ADAMTS17: variants seen among roughly 807,000 people sequenced by gnomAD.
ADAMTS17 encodes the protein A disintegrin and metalloproteinase with thrombospondin motifs 17.
Under a neutral mutation model 141.5 loss-of-function variants are expected in ADAMTS17, and 113 were observed. The observed-to-expected ratio is 0.80, with a 90% CI of 0.69 to 0.93. ADAMTS17 has a LOEUF of 0.93. Ranked by LOEUF, ADAMTS17 falls within the 40% of genes least tolerant of loss-of-function variation. ADAMTS17 has a pLI of 0.00. For missense variants in ADAMTS17, 1,659 were observed against 1,517.9 expected (o/e 1.09, Z -1.54); for synonymous variants, 768 against 630.6 (o/e 1.22, Z -3.27).
chr15:100,191,981 T>C (rs948706842), intron 8 of ADAMTS17, among the ~76,000 whole-genome samples: 1 of 152,234 alleles, frequency 6.6e-6, no homozygotes, highest in Non-Finnish European at 1.5e-5. Flanking sequence ...TGCATGCCTG[T>C]ATCAAAGTAT....
intron 2 of ADAMTS17, among the ~76,000 whole-genome samples, chr15:100,336,428 C>A (rs966977784): frequency 6.6e-6 from 1 of 152,230 alleles, no homozygotes; most frequent in Non-Finnish European, 1.5e-5. Flanking sequence ...CCTCTCAACT[C>A]CACAAAACTG....
intron 7 of ADAMTS17, among the ~76,000 whole-genome samples, chr15:100,214,592 T>C (rs1180775970): frequency 6.6e-6 from 1 of 152,210 alleles, no homozygotes; most frequent in Non-Finnish European, 1.5e-5. Context: ...CCTTCAAGAC[T>C]ATCTTCTGGA....
At chr15:100,074,963 A>G (rs1216315356) in intron 15 of ADAMTS17, among the ~76,000 whole-genome samples, 1 of 152,228 alleles carries the variant, frequency 6.6e-6, no homozygotes, top group Non-Finnish European at 1.5e-5. Context: ...ATTAAATGAG[A>G]AAACAGTGGA....
chr15:100,119,348 G>T (rs1250197974), intron 12 of ADAMTS17, among the ~76,000 whole-genome samples: 4 of 152,192 alleles, frequency 2.6e-5, no homozygotes, highest in African/African-American at 9.7e-5. Flanking sequence ...CTAAGGGAAA[G>T]CAGGGCAGAC....
chr15:100,208,523 T>C (rs1567355825), intron 7 of ADAMTS17, among the ~76,000 whole-genome samples: 1 of 152,208 alleles, frequency 6.6e-6, no homozygotes, highest in East Asian at 1.9e-4. Flanking sequence ...GATCAAAAAG[T>C]CAGGTCAGTG....
chr15:100,185,894 G>A (rs1483256848), intron 8 of ADAMTS17, among the ~76,000 whole-genome samples: 1 of 152,196 alleles, frequency 6.6e-6, no homozygotes, highest in East Asian at 1.9e-4. Flanking sequence ...TGAAGGGCTT[G>A]GCAGGACTAA....
At chr15:99,992,946 G>C in intron 20 of ADAMTS17, 102 bp downstream of exon 20, 1 of 1,456,768 alleles carries the variant, frequency 6.9e-7, no homozygotes, top group East Asian at 2.3e-5. Context: ...AGTTACGCTG[G>C]GACTGCCGCG....
At chr15:100,059,655 T>G (rs1805619293) in intron 15 of ADAMTS17, among the ~76,000 whole-genome samples, 1 of 152,192 alleles carries the variant, frequency 6.6e-6, no homozygotes, top group East Asian at 1.9e-4. Flanking sequence ...AGGTTCATTG[T>G]GGAGTCCCAA....
chr15:99,985,571 T>C (rs191718943), intron 20 of ADAMTS17, among the ~76,000 whole-genome samples: 30 of 152,226 alleles, frequency 2.0e-4, no homozygotes, highest in Admixed American at 1.2e-3. Flanking sequence ...AGACAGATAC[T>C]TGACTTAATA....
In ADAMTS17 at chr15:100,055,238, A is replaced by G. The variant is rs570436624; in HGVS notation, c.2138-1184T>C. 2.2e-4 allele frequency among the ~76,000 whole-genome samples: 34 copies of G among 152,302 alleles called. No homozygotes were observed. In the South Asian group the frequency reaches 5.0e-3, roughly 22 times the overall value. On this transcript the variant is annotated intron_variant, in intron 15 of 21. Coordinates refer to ENST00000268070, the MANE Select transcript of ADAMTS17 (RefSeq NM_139057.4). ...TATCAATGAAATCAGATTCTACTGC[A>G]TTGACTGTTCTCTGCTTACTGAGGC...
chr15:100,173,067 T>G (rs1335060824), intron 8 of ADAMTS17, among the ~76,000 whole-genome samples: 1 of 152,174 alleles, frequency 6.6e-6, no homozygotes, highest in African/African-American at 2.4e-5. Flanking sequence ...GGGAGATGGA[T>G]GAGGATTTTC....
In ADAMTS17 at chr15:100,186,961, C is replaced by A. The variant is rs182207154; in HGVS notation, c.1181+12357G>T. On this transcript the variant is annotated intron_variant, in intron 8 of 21. Transcript: ENST00000268070. ...GCATCTGCCTATTTTTAGTCTTTGGCATTCCTTCCCTTCCTTCATTGCTCT... is the reference window on the plus strand; with the variant it reads ...GCATCTGCCTATTTTTAGTCTTTGGAATTCCTTCCCTTCCTTCATTGCTCT... 9.8e-5 allele frequency among the ~76,000 whole-genome samples: 15 copies of A among 152,316 alleles called. No individual in the cohort carries two copies. In the East Asian group the frequency reaches 2.9e-3, roughly 29 times the overall value.
intron 2 of ADAMTS17, chr15:100,339,156 T>C (rs1446200026): frequency 1.0e-6 from 1 of 985,334 alleles, no homozygotes; most frequent in East Asian, 1.1e-4. Flanking sequence ...CCAGGTTCCT[T>C]TATCTAAAGC....
chr15:100,211,601 G>A (rs1045019792), intron 7 of ADAMTS17, among the ~76,000 whole-genome samples: 2 of 152,104 alleles, frequency 1.3e-5, no homozygotes, highest in South Asian at 4.1e-4. Context: ...AGGAAGCAAA[G>A]ATCATAAAAA....
intron 15 of ADAMTS17, among the ~76,000 whole-genome samples, chr15:100,062,902 G>C (rs890502475): frequency 6.6e-6 from 1 of 152,180 alleles, no homozygotes; most frequent in East Asian, 1.9e-4. Flanking sequence ...TCCAAGCCAG[G>C]AAGGTAGGAG....
At chr15:100,330,368 C>T (rs996842183) in intron 3 of ADAMTS17, among the ~76,000 whole-genome samples, 3 of 152,180 alleles carry the variant, frequency 2.0e-5, no homozygotes, top group African/African-American at 7.2e-5. Context: ...TGGACCCTCC[C>T]CCAGGGTTTC....
chr15:100,114,719 A>G (rs1423679168), intron 13 of ADAMTS17, among the ~76,000 whole-genome samples: 1 of 152,200 alleles, frequency 6.6e-6, no homozygotes, highest in Non-Finnish European at 1.5e-5. Context: ...ACAGAAAGGA[A>G]GTGGGTGAAA....
At chr15:100,159,344 A>T (rs933383178) in intron 8 of ADAMTS17, among the ~76,000 whole-genome samples, 1 of 152,252 alleles carries the variant, frequency 6.6e-6, no homozygotes, top group African/African-American at 2.4e-5. Flanking sequence ...ACTTTATGTT[A>T]GGTGAAATCA....
In ADAMTS17 at chr15:99,972,163, A is replaced by C. The variant is rs2060222805; in HGVS notation, c.*2239T>G. Reference sequence around the variant, plus strand: ...CTACTGGGGAGGGTGAGGCAGAAGAATGGCCTGAACCCGGGAGGCGGAGCT... The same window carrying C: ...CTACTGGGGAGGGTGAGGCAGAAGACTGGCCTGAACCCGGGAGGCGGAGCT... On this transcript the variant is annotated 3_prime_UTR_variant, in exon 22 of 22. Coordinates refer to ENST00000268070, the MANE Select transcript of ADAMTS17 (RefSeq NM_139057.4). 6.6e-6 allele frequency: 1 copy of C among 152,294 alleles called. No individual in the cohort carries two copies. Among genetic ancestry groups the C allele is most frequent in the Non-Finnish European group, 1.5e-5 (1 of 68,136 alleles). The allele number at this position is 152,294 out of a possible 1,614,324, so 9.4% of individuals were successfully genotyped here.
Sources: allele counts gnomAD v4.1 joint callset (sites outside exome capture counted in the v4.1 genomes callset), GRCh38; gene constraint gnomAD v4.1.1; transcripts MANE v1.5; gene names NCBI Gene and HGNC (gene_info 2026-07-23, HGNC 2026-07-21).